Variants in DPP9 observed in about 807,000 individuals in gnomAD.
DPP9 encodes the protein dipeptidyl peptidase IV-related protein-2.
A neutral mutation model predicts 110.7 loss-of-function variants in DPP9; 50 were observed. That is an observed-to-expected ratio of 0.45 (90% CI 0.36 to 0.57). DPP9 has a LOEUF of 0.57. DPP9 is among the 20% of genes least tolerant of loss of function. The pLI, the probability that DPP9 is intolerant of heterozygous loss-of-function variation, is 0.00. For missense variants in DPP9, 1,022 were observed against 1,217.9 expected (o/e 0.84, Z 2.39); for synonymous variants, 561 against 514.4 (o/e 1.09, Z -1.23).
Position 4,685,171 on chromosome 19 carries a change from AGTG to A in DPP9, c.2032-365_2032-363del. 6 of 537,908 alleles carry A rather than the reference AGTG, an allele frequency of 1.1e-5. No individual in the cohort carries two copies. Among genetic ancestry groups the A allele is most frequent in the South Asian group, 9.2e-5 (6 of 65,288 alleles). The allele number at this position is 537,908 out of a possible 1,614,324, so 33.3% of individuals were successfully genotyped here. A position where few individuals can be genotyped will look rare whatever the true frequency, so the allele number is the denominator to read the frequency against. On this transcript the variant is annotated intron_variant, in intron 17 of 21. Coordinates refer to ENST00000262960, the MANE Select transcript of DPP9 (RefSeq NM_139159.5). The surrounding 1 kb of genome is among the most constrained non-coding windows in gnomAD (Gnocchi z 5.8). ...GCCACTCCAGGCCAGGAGAACTCGC[AGTG>A]GTGATGAACCACAAAGTACCCAGAC...
In DPP9 at chr19:4,685,688, G is replaced by T; in HGVS notation, c.1969C>A (p.Pro657Thr). The T allele has an allele frequency of 6.2e-7, 1 of 1,613,428 alleles. No individual in the cohort carries two copies. The change falls in exon 17 of 22, where the codon CCC becomes ACC. Residue 657 changes from proline (P) to threonine (T), a missense_variant. Around this residue, in one of 3 missense-constraint regions of DPP9, gnomAD observed 810 missense variants for 920.6 expected, o/e 0.88. Transcript: ENST00000262960. The surrounding 1 kb of genome is among the most constrained non-coding windows in gnomAD (Gnocchi z 5.8). ...DVRLYGMIYKPHALQPGKKHP... is the reference protein window; with the variant it reads ...DVRLYGMIYKTHALQPGKKHP... ...TTCTTCCCTGGCTGCAAGGCGTGGGGCTTGTAGATCATGCCGTAGAGCCGC... is the reference window on the plus strand; with the variant it reads ...TTCTTCCCTGGCTGCAAGGCGTGGGTCTTGTAGATCATGCCGTAGAGCCGC...
chr19:4,720,031 C>T (rs1311341454), intron 2 of DPP9, 90 bp from the exon 3 acceptor site: 2 of 1,056,116 alleles, frequency 1.9e-6, no homozygotes, highest in East Asian at 2.6e-5. Flanking sequence ...CTCCTCATTG[C>T]TCCAGGCAGC....
intron 2 of DPP9, among the ~76,000 whole-genome samples, chr19:4,721,852 C>T (rs1404143424): frequency 2.0e-5 from 3 of 152,122 alleles, no homozygotes; most frequent in Admixed American, 6.6e-5. Flanking sequence ...CATAAAGTCA[C>T]CACGAAAAAT....
At chr19:4,708,926 T>A (rs1301945802) in intron 4 of DPP9, among the ~76,000 whole-genome samples, 2 of 152,148 alleles carry the variant, frequency 1.3e-5, no homozygotes, top group Non-Finnish European at 2.9e-5. Flanking sequence ...ACCTAAAAGT[T>A]TGTTTTCTTG....
rs117466010 is a variant in DPP9, at chr19:4,683,678, C to T, written c.2179-49G>A. 1.7e-4 allele frequency: 277 copies of T among 1,612,882 alleles called. No individual in the cohort carries two copies. The East Asian group carries it at 4.2e-3, about 24-fold the overall frequency. On this transcript the variant is annotated intron_variant, in intron 18 of 21. Transcript: ENST00000262960. ...CTCAGTGGCCTCCTCCCGGTATGTC[C>T]CTCCCCTGCAGTGACACCTCTGCTC...
At chr19:4,683,055 G>A in intron 19 of DPP9, 3 of 1,498,306 alleles carry the variant, frequency 2.0e-6, no homozygotes, top group Non-Finnish European at 2.7e-6. Context: ...GGCAGGTGCG[G>A]CCCCTCCCCG....
rs1265513688 is a variant in DPP9, at chr19:4,686,640, T to C, written c.1886-869A>G. Among the ~76,000 whole-genome samples the C allele has an allele frequency of 3.3e-5, 5 of 152,110 alleles. No individual in the cohort carries two copies. The East Asian group carries it at 9.6e-4, about 29-fold the overall frequency. ...CAGCCATCGAACTCCTGACCTTGGGTGACCCGCACACCTTGGCCTCCCAAT... is the reference window on the plus strand; with the variant it reads ...CAGCCATCGAACTCCTGACCTTGGGCGACCCGCACACCTTGGCCTCCCAAT... On this transcript the variant is annotated intron_variant, in intron 16 of 21. Transcript: ENST00000262960.
chr19:4,675,516 T>TG lies in DPP9; in HGVS notation c.*1047dup, dbSNP rs1324471028. ...GACACATGTGGCTGGGCGGCTGGGC[T>TG]GGGGAGGGGACAGCCGCCACTGACC... On this transcript the variant is annotated 3_prime_UTR_variant, in exon 22 of 22. Transcript: ENST00000262960. 6.6e-6 allele frequency: 1 copy of TG among 152,002 alleles called. No individual in the cohort carries two copies. Among genetic ancestry groups the TG allele is most frequent in the African/African-American group, 2.4e-5 (1 of 41,362 alleles). The allele number at this position is 152,002 out of a possible 1,614,324, so 9.4% of individuals were successfully genotyped here.
At chr19:4,683,216 G>A (rs1164744723) in intron 19 of DPP9, 6 of 1,429,128 alleles carry the variant, frequency 4.2e-6, no homozygotes, top group East Asian at 2.6e-5. Context: ...CCGGGGTCCC[G>A]GGCTCAGCCT....
At chr19:4,717,719 G>A (rs943347261) in intron 3 of DPP9, 1 of 152,256 alleles carries the variant, frequency 6.6e-6, no homozygotes, top group African/African-American at 2.4e-5. Context: ...GATGTGGCTA[G>A]ACTCTTTAGC....
chr19:4,714,252 C>A lies in DPP9; in HGVS notation c.142G>T (p.Asp48Tyr), dbSNP rs770305424. 5 of 1,586,852 alleles carry A rather than the reference C, an allele frequency of 3.2e-6. No individual in the cohort carries two copies. The highest frequency in any genetic ancestry group is 4.3e-6 in the Non-Finnish European group (5 of 1,167,668). Residue 48 changes from aspartate to tyrosine, a missense_variant, in exon 4 of 22, where the codon GAC (aspartate) becomes TAC (tyrosine). This residue lies in a region of DPP9 where 810 missense variants were observed against 920.6 expected (regional missense o/e 0.88). Transcript: ENST00000262960. ...TGCACCTGGAAGCGGGCGGCCGGGTCATCTGTGGCGGCTGCGTCGCCTCGG... is the reference window on the plus strand; with the variant it reads ...TGCACCTGGAAGCGGGCGGCCGGGTAATCTGTGGCGGCTGCGTCGCCTCGG... ...ADRGDAAATD[D>Y]PAARFQVQKH... is the part of the protein sequence containing the mutation.
rs1329293046 is a variant in DPP9 at position 4,676,899 on chromosome 19, C to T, written c.2587-243G>A. Among the ~76,000 whole-genome samples the T allele has an allele frequency of 6.6e-6, 1 of 152,154 alleles. No homozygotes were observed. The highest frequency in any genetic ancestry group is 6.6e-5 in the Admixed American group (1 of 15,264). ...TTGGTAAGACAAAGTTTACAAAACGCCTTGCGGTGTGCACGCGCTTGCACA... is the reference window on the plus strand; with the variant it reads ...TTGGTAAGACAAAGTTTACAAAACGTCTTGCGGTGTGCACGCGCTTGCACA... On this transcript the variant is annotated intron_variant, in intron 21 of 21. Transcript: ENST00000262960. This position sits in a 1 kb window ranked among gnomAD's most constrained non-coding sequence, Gnocchi z 4.0.
chr19:4,696,796 G>A (rs1486329869), intron 11 of DPP9, among the ~76,000 whole-genome samples: 3 of 151,958 alleles, frequency 2.0e-5, no homozygotes, highest in Admixed American at 1.3e-4. Context: ...CACACCCACA[G>A]TCCTAGCAAA....
rs994673929 is a variant in DPP9, at chr19:4,676,614, C to T, written c.2629G>A (p.Gly877Ser). Residue 877 changes from glycine to serine, a missense_variant, in exon 22 of 22, where the codon GGC (glycine) becomes AGC (serine). By Grantham distance (56) the Gly-to-Ser change is moderately conservative. Transcript: ENST00000262960. The surrounding 1 kb of genome is among the most constrained non-coding windows in gnomAD (Gnocchi z 4.0). ...AGCAACGTGACTTCATAGTGCTCGC[C>T]CGACTCGGGGCAGCGAATACTGTGT... The part of the protein sequence containing the change: ...ERHSIRCPES[G>S]EHYEVTLLHF... The T allele has an allele frequency of 6.2e-7, 1 of 1,609,218 alleles. No homozygotes were observed. The highest frequency in any genetic ancestry group is 1.3e-5 in the African/African-American group (1 of 74,838).
chr19:4,712,360 G>A (rs181936662), intron 4 of DPP9, among the ~76,000 whole-genome samples: 5 of 152,210 alleles, frequency 3.3e-5, no homozygotes, highest in Admixed American at 2.6e-4. Context: ...ACCAGCTTGG[G>A]CAACACGGCA....
chr19:4,698,618 G>C lies in DPP9; in HGVS notation c.1075-967C>G, dbSNP rs1223691122. Among the ~76,000 whole-genome samples, 2 of 152,136 alleles carry C rather than the reference G, an allele frequency of 1.3e-5. No individual in the cohort carries two copies. The highest frequency in any genetic ancestry group is 1.3e-4 in the Admixed American group (2 of 15,266). ...CCCACAATTAGTTAGGTGTGGTGGT[G>C]CATGCCTGTAGTCCCAGCTACTCAA... On this transcript the variant is annotated intron_variant, in intron 10 of 21. Coordinates refer to ENST00000262960, the MANE Select transcript of DPP9 (RefSeq NM_139159.5). The surrounding 1 kb of genome is among the most constrained non-coding windows in gnomAD (Gnocchi z 4.2).
chr19:4,684,362 A>G lies in DPP9; in HGVS notation c.2178+301T>C. ...AGATTTTCGTTCTTTATAAATCCCC[A>G]GGCTGTGGGGTTTTGTTCCAGCAGT... On this transcript the variant is annotated intron_variant, in intron 18 of 21. Coordinates refer to ENST00000262960, the MANE Select transcript of DPP9 (RefSeq NM_139159.5). This position sits in a 1 kb window ranked among gnomAD's most constrained non-coding sequence, Gnocchi z 4.8. 1 of 405,658 alleles carries G rather than the reference A, an allele frequency of 2.5e-6. No homozygotes were observed. Among genetic ancestry groups the G allele is most frequent in the East Asian group, 5.0e-5 (1 of 20,136 alleles). 25.1% of individuals were successfully genotyped at this position (405,658 alleles called of 1,614,324 possible).
rs751972811 is a variant in DPP9, at chr19:4,700,306, A to G, written c.1013-29T>C. 1 of 1,584,106 alleles carries G rather than the reference A, an allele frequency of 6.3e-7. No homozygotes were observed. Among genetic ancestry groups the G allele is most frequent in the East Asian group, 2.3e-5 (1 of 43,982 alleles). On this transcript the variant is annotated intron_variant, in intron 9 of 21. Coordinates refer to ENST00000262960, the MANE Select transcript of DPP9 (RefSeq NM_139159.5). The surrounding 1 kb of genome is among the most constrained non-coding windows in gnomAD (Gnocchi z 4.3). Reference sequence around the variant, plus strand: ...CAAAAACCGAAGTGAGGTGAACACCAGGCAGGCATCACCCGTGTGTGCCGA... The same window carrying G: ...CAAAAACCGAAGTGAGGTGAACACCGGGCAGGCATCACCCGTGTGTGCCGA...
At chr19:4,681,997 C>T (rs548313160) in intron 20 of DPP9, among the ~76,000 whole-genome samples, 9 of 151,946 alleles carry the variant, frequency 5.9e-5, no homozygotes, top group East Asian at 3.9e-4. Context: ...TACAGGCACC[C>T]GCCACCACAC....
Sources: allele counts gnomAD v4.1 joint callset (sites outside exome capture counted in the v4.1 genomes callset), GRCh38; gene constraint gnomAD v4.1.1; regional missense constraint gnomAD v4.1.1; non-coding constraint Gnocchi (gnomAD v3.1); transcripts MANE v1.5; gene names NCBI Gene and HGNC (gene_info 2026-07-23, HGNC 2026-07-21).